ELP3: variants seen among roughly 807,000 people sequenced by gnomAD.
The protein encoded by ELP3 is elongator acetyltransferase complex subunit 3.
Under a neutral mutation model 74.9 loss-of-function variants are expected in ELP3, and 56 were observed. The observed-to-expected ratio is 0.75, with a 90% CI of 0.60 to 0.93. ELP3 has a LOEUF of 0.93. Ranked by LOEUF, ELP3 falls within the 40% of genes least tolerant of loss-of-function variation. ELP3 has a pLI of 0.00. For missense variants in ELP3, 573 were observed against 686.5 expected, an observed-to-expected ratio of 0.83 and a Z score of 1.85; for synonymous variants, 222 against 239.8, an observed-to-expected ratio of 0.93 and a Z score of 0.68.
At chr8:28,142,967 T>C (rs1307948417) in intron 10 of ELP3, among the ~76,000 whole-genome samples, 1 of 152,200 alleles carries the variant, frequency 6.6e-6, no homozygotes, top group African/African-American at 2.4e-5. Context: ...TTACTTTATG[T>C]TTTGCATTGA....
At chr8:28,112,881 AT>A in intron 6 of ELP3, 137 bp from the exon 7 acceptor site, 1 of 663,800 alleles carries the variant, frequency 1.5e-6, no homozygotes, top group Admixed American at 4.0e-5. Context: ...TATCCACAGA[AT>A]TAGCTAAGTG....
At position 28,115,414 on chromosome 8, in the gene ELP3, A is replaced by G. The variant is rs1293535775; in HGVS notation, c.617+2241A>G. Among the ~76,000 whole-genome samples, 10 of 152,310 alleles carry G rather than the reference A, an allele frequency of 6.6e-5. No individual in the cohort carries two copies. The East Asian group carries it at 1.7e-3, about 26-fold the overall frequency. On this transcript the variant is annotated intron_variant, in intron 7 of 14. Transcript: ENST00000256398. ...TGTGTTCATGCACATACACACACAC[A>G]TATCTGTATATAAATGCATAGAAAA...
rs56981709 is a variant in ELP3 at position 28,140,114 on chromosome 8, TTGTGTGTGTG to T, written c.1100+2255_1100+2264del. ...ATACCGAGGGACAACTGTACATATTTTGTGTGTGTGTGTGTGTGTGTGTGTGTGTGTGTGT... is the reference window on the plus strand; with the variant it reads ...ATACCGAGGGACAACTGTACATATTTTGTGTGTGTGTGTGTGTGTGTGTGT... On this transcript the variant is annotated intron_variant, in intron 10 of 14. Transcript: ENST00000256398. Among the ~76,000 whole-genome samples, 429 of 143,784 alleles carry T rather than the reference TTGTGTGTGTG, an allele frequency of 3.0e-3. 2 individuals are homozygous for T. Among genetic ancestry groups the T allele is most frequent in the East Asian group, 0.015 (74 of 4,866 alleles). The allele number at this position is 143,784 out of a possible 152,430, so 94.3% of individuals were successfully genotyped here.
chr8:28,092,978 C>G (rs543669842), upstream of ELP3: 2 of 661,526 alleles, frequency 3.0e-6, no homozygotes, highest in Non-Finnish European at 5.4e-6. Context: ...CATCCTCCAT[C>G]CCTGAGACCC....
At chr8:28,160,105 TA>T (rs750651164) in intron 12 of ELP3, 123 bp from the exon 13 acceptor site, 163 of 848,980 alleles carry the variant, frequency 1.9e-4, no homozygotes, top group Non-Finnish European at 2.8e-4. Context: ...AAAAGAAACA[TA>T]ATTAGTGATT....
At chr8:28,163,768 G>A (rs1814199333) in intron 14 of ELP3, among the ~76,000 whole-genome samples, 1 of 152,024 alleles carries the variant, frequency 6.6e-6, no homozygotes, top group African/African-American at 2.4e-5. Flanking sequence ...AATTTCCATG[G>A]CCCCTTTTGT....
chr8:28,113,353 G>A (rs186285988), intron 7 of ELP3, among the ~76,000 whole-genome samples, 180 bp downstream of exon 7: 2 of 134,492 alleles, frequency 1.5e-5, no homozygotes, highest in Admixed American at 7.7e-5. Context: ...ATCTTTTCCA[G>A]TGAAAATAAT....
At chr8:28,093,011 G>C (rs111292522), upstream of ELP3, 13 of 768,380 alleles carry the variant, frequency 1.7e-5, no homozygotes, top group East Asian at 2.1e-4. Flanking sequence ...CAGCCTAGGG[G>C]CCTCACGGGC....
rs187341429 is a variant in ELP3 at position 28,162,649 on chromosome 8, A to G, written c.1567+571A>G. On this transcript the variant is annotated intron_variant, in intron 14 of 14. Coordinates refer to ENST00000256398, the MANE Select transcript of ELP3 (RefSeq NM_018091.6). Reference sequence around the variant, plus strand: ...ACTGACAAAGGCAGATTAACAGGGGAAAAGCATACACATTTATTGCATATA... The same window carrying G: ...ACTGACAAAGGCAGATTAACAGGGGGAAAGCATACACATTTATTGCATATA... 8.5e-5 allele frequency among the ~76,000 whole-genome samples: 13 copies of G among 152,342 alleles called. No homozygotes were observed. The East Asian group carries it at 2.5e-3, about 29-fold the overall frequency.
upstream of ELP3, chr8:28,090,478 G>GGGGTGTGTGT (rs1554492414): frequency 8.8e-6 from 2 of 226,432 alleles, no homozygotes; most frequent in African/African-American, 2.6e-5. Context: ...TAGTCTGATG[G>GGGGTGTGTGT]GTGGGTGTGT....
intron 14 of ELP3, among the ~76,000 whole-genome samples, chr8:28,168,376 C>G (rs759564612): frequency 6.6e-6 from 1 of 152,168 alleles, no homozygotes; most frequent in African/African-American, 2.4e-5. Flanking sequence ...GCAGTCCAGC[C>G]TCTTACATTT....
intron 14 of ELP3, among the ~76,000 whole-genome samples, chr8:28,181,133 T>C (rs1814995562): frequency 6.6e-6 from 1 of 152,250 alleles, no homozygotes; most frequent in Non-Finnish European, 1.5e-5. Context: ...CAGTCTCTGA[T>C]ACTTTCCTAG....
chr8:28,161,970 C>G lies in ELP3; in HGVS notation c.1486-27C>G. Reference sequence around the variant, plus strand: ...TAATGAACTTCCTTCCTTTTTAATTCCCACTCCCCATTGTTGCTCCGTGCA... The same window carrying G: ...TAATGAACTTCCTTCCTTTTTAATTGCCACTCCCCATTGTTGCTCCGTGCA... On this transcript the variant is annotated intron_variant, in intron 13 of 14. Transcript: ENST00000256398. The G allele has an allele frequency of 2.5e-6, 4 of 1,610,548 alleles. No homozygotes were observed. In the South Asian group the frequency reaches 4.4e-5, roughly 18 times the overall value.
chr8:28,179,750 T>C (rs999952864), intron 14 of ELP3, among the ~76,000 whole-genome samples: 5 of 152,270 alleles, frequency 3.3e-5, no homozygotes, highest in East Asian at 3.9e-4. Context: ...TAGTTCACAA[T>C]AGGATTTGTG....
chr8:28,152,151 G>A (rs1813665399), intron 10 of ELP3, among the ~76,000 whole-genome samples: 1 of 152,188 alleles, frequency 6.6e-6, no homozygotes, highest in Admixed American at 6.5e-5. Context: ...CCCCGGGGCA[G>A]TAGTTTACCT....
chr8:28,099,716 G>A, intron 2 of ELP3, 112 bp from the exon 3 acceptor site: 2 of 1,177,436 alleles, frequency 1.7e-6, no homozygotes, highest in Non-Finnish European at 2.5e-6. Flanking sequence ...TTGTCACGTG[G>A]TGAAGGGATT....
At chr8:28,114,542 C>T (rs117607664) in intron 7 of ELP3, among the ~76,000 whole-genome samples, 6 of 152,056 alleles carry the variant, frequency 3.9e-5, no homozygotes, top group African/African-American at 7.2e-5. Flanking sequence ...ACAAATCTCA[C>T]GTGAAACAAC....
At chr8:28,142,317 G>A (rs980774872) in intron 10 of ELP3, among the ~76,000 whole-genome samples, 5 of 152,112 alleles carry the variant, frequency 3.3e-5, no homozygotes, top group African/African-American at 1.2e-4. Context: ...ATATGACCCC[G>A]TTACACTTAT....
At chr8:28,165,467 C>T (rs1233369372) in intron 14 of ELP3, among the ~76,000 whole-genome samples, 4 of 152,114 alleles carry the variant, frequency 2.6e-5, no homozygotes. Flanking sequence ...ACTTTTCTTC[C>T]GACCTTGTCC....
Sources: allele counts gnomAD v4.1 joint callset (sites outside exome capture counted in the v4.1 genomes callset), GRCh38; gene constraint gnomAD v4.1.1; transcripts MANE v1.5; gene names NCBI Gene and HGNC (gene_info 2026-07-23, HGNC 2026-07-21).